Variants in XKR9 observed in about 807,000 individuals in gnomAD.
The protein encoded by XKR9 is XK related 9, also known as XK-related protein 9.
Under a neutral mutation model 32.0 loss-of-function variants are expected in XKR9, and 32 were observed. The ratio of observed to expected loss-of-function variants is 1.00; its 90% CI spans 0.76 to 1.34. The LOEUF (loss-of-function observed/expected upper bound fraction) is 1.34, where lower values mean the gene tolerates loss of function less well. Among genes scored for constraint, XKR9 ranks in the 40% most tolerant of loss-of-function variants. The probability of loss-of-function intolerance (pLI) is 0.00; values close to 1 mark genes in which losing one functional copy is unlikely to be tolerated. For synonymous variants in XKR9, 168 were observed against 143.4 expected (o/e 1.17, Z -1.22); for missense variants, 546 against 429.7 (o/e 1.27, Z -2.39).
the XKR9 span, among the ~76,000 whole-genome samples, chr8:70,809,338 A>G: frequency 3.9e-5 from 6 of 152,162 alleles, no homozygotes; most frequent in African/African-American, 4.8e-5. Context: ...AACCACAAAC[A>G]TGGGAAAAAA....
downstream of XKR9, among the ~76,000 whole-genome samples, chr8:70,794,864 T>C (rs1462694818): frequency 6.7e-6 from 1 of 148,372 alleles, no homozygotes; most frequent in Non-Finnish European, 1.5e-5. Context: ...ATTTGTCTAA[T>C]TTTGTTATCA....
At chr8:70,784,862 A>G (rs1807662388) in intron 2 of XKR9, among the ~76,000 whole-genome samples, 1 of 151,834 alleles carries the variant, frequency 6.6e-6, no homozygotes, top group Non-Finnish European at 1.5e-5. Flanking sequence ...GTGTTGTGAT[A>G]CATTTCTTCT....
At chr8:70,938,919 T>C in the XKR9 span, among the ~76,000 whole-genome samples, 1 of 151,574 alleles carries the variant, frequency 6.6e-6, no homozygotes, top group South Asian at 2.1e-4. Context: ...GAGGATCCCA[T>C]CTGGCCTCCT....
the XKR9 span, among the ~76,000 whole-genome samples, chr8:70,803,251 T>C: frequency 1.3e-5 from 2 of 152,212 alleles, no homozygotes; most frequent in African/African-American, 4.8e-5. Context: ...ATATTTGTGA[T>C]TGTATTATGA....
At position 70,681,037 on chromosome 8, in the gene XKR9, C is replaced by T. The variant is rs199652620; in HGVS notation, c.-22C>T. On this transcript the variant is annotated 5_prime_UTR_variant, in exon 3 of 5. The change creates a new upstream start codon in the 5' untranslated region. Coordinates refer to ENST00000408926, the MANE Select transcript of XKR9 (RefSeq NM_001011720.2). The stretch of plus-strand genomic sequence containing the variant: ...TTGTGAGGGAGAAAAAAGTAGATAA[C>T]GAAAAGCTATAGTCATTCGTAATGA... 1.0e-3 allele frequency: 1,575 copies of T among 1,571,996 alleles called. No individual in the cohort carries two copies. The highest frequency in any genetic ancestry group is 1.2e-3 in the Non-Finnish European group (1,442 of 1,159,622).
the XKR9 span, among the ~76,000 whole-genome samples, chr8:71,059,499 GCACTTA>G: frequency 6.6e-6 from 1 of 152,336 alleles, no homozygotes; most frequent in South Asian, 2.1e-4. Flanking sequence ...AAAAGTTTGT[GCACTTA>G]GGAACTGGCG....
chr8:70,799,907 G>C, the XKR9 span, among the ~76,000 whole-genome samples: 1 of 152,132 alleles, frequency 6.6e-6, no homozygotes, highest in Non-Finnish European at 1.5e-5. Context: ...TGTTGAATAG[G>C]AGTGGTGAAA....
chr8:71,018,872 A>G, the XKR9 span, among the ~76,000 whole-genome samples: 1 of 152,266 alleles, frequency 6.6e-6, no homozygotes, highest in South Asian at 2.1e-4. Context: ...ATATCTTTTA[A>G]AGTTTCAGAT....
chr8:70,880,269 G>T, the XKR9 span, among the ~76,000 whole-genome samples: 3 of 152,128 alleles, frequency 2.0e-5, no homozygotes, highest in South Asian at 6.2e-4. Context: ...GGAAGTTCTG[G>T]CCAGGGCAAT....
chr8:70,739,995 C>T (rs1186565584), downstream of XKR9, among the ~76,000 whole-genome samples: 3 of 152,080 alleles, frequency 2.0e-5, no homozygotes, highest in African/African-American at 7.2e-5. Context: ...TCTGTATTTC[C>T]TGTATGTGAA....
At chr8:70,827,581 G>T in the XKR9 span, among the ~76,000 whole-genome samples, 1 of 152,246 alleles carries the variant, frequency 6.6e-6, no homozygotes, top group East Asian at 1.9e-4. Context: ...CATCTCTGTG[G>T]CCTGTAGCAT....
At chr8:70,749,354 C>T (rs534490689) in intron 2 of XKR9, among the ~76,000 whole-genome samples, 7 of 152,210 alleles carry the variant, frequency 4.6e-5, no homozygotes, top group African/African-American at 7.2e-5. Context: ...GAGTCTAGAC[C>T]TCAGGGCTCC....
At position 70,674,807 on chromosome 8, in the gene XKR9, C is replaced by T. The variant is rs958388610; in HGVS notation, c.-360-11C>T. ...AAGGTTTACACATCCTTTAATTATACTTGTTTTTAGTGAAGAAGAAGTAAA... is the reference window on the plus strand; with the variant it reads ...AAGGTTTACACATCCTTTAATTATATTTGTTTTTAGTGAAGAAGAAGTAAA... On this transcript the variant is annotated splice_polypyrimidine_tract_variant and intron_variant, in intron 1 of 4. Coordinates refer to ENST00000408926, the MANE Select transcript of XKR9 (RefSeq NM_001011720.2). 6.6e-6 allele frequency: 1 copy of T among 152,050 alleles called. No homozygotes were observed. Among genetic ancestry groups the T allele is most frequent in the African/African-American group, 2.4e-5 (1 of 41,354 alleles). 9.4% of individuals were successfully genotyped at this position (152,050 alleles called of 1,614,324 possible).
the XKR9 span, among the ~76,000 whole-genome samples, chr8:70,930,615 C>T: frequency 1.3e-5 from 2 of 152,132 alleles, no homozygotes; most frequent in East Asian, 1.9e-4. Flanking sequence ...ACTAGTCTTG[C>T]CTGAACATAT....
At chr8:70,676,565 G>T (rs1818896497) in intron 2 of XKR9, among the ~76,000 whole-genome samples, 1 of 152,096 alleles carries the variant, frequency 6.6e-6, no homozygotes, top group Non-Finnish European at 1.5e-5. Context: ...TTGCTATGTA[G>T]GTTTCCTTCT....
In XKR9 at chr8:70,734,939, G is replaced by A. The variant is rs1038504236; in HGVS notation, c.*515G>A. 1 of 152,282 alleles carries A rather than the reference G, an allele frequency of 6.6e-6. No individual in the cohort carries two copies. Among genetic ancestry groups the A allele is most frequent in the Non-Finnish European group, 1.5e-5 (1 of 68,142 alleles). The allele number at this position is 152,282 out of a possible 1,614,324, so 9.4% of individuals were successfully genotyped here. ...ATCCATGAAATCTCCAATTCAGTAA[G>A]TGCAAAAGAGAATTGGTGTGCATCT... On this transcript the variant is annotated 3_prime_UTR_variant, in exon 5 of 5. Coordinates refer to ENST00000408926, the MANE Select transcript of XKR9 (RefSeq NM_001011720.2).
At chr8:70,748,855 C>T (rs117941055) in intron 2 of XKR9, among the ~76,000 whole-genome samples, 7,409 of 127,956 alleles carry the variant, frequency 0.058, 815 homozygotes, top group Admixed American at 0.27. Context: ...CCCACAAAAA[C>T]CCCAGACTCA....
chr8:70,901,992 G>T, the XKR9 span, among the ~76,000 whole-genome samples: 3 of 152,062 alleles, frequency 2.0e-5, no homozygotes, highest in African/African-American at 4.8e-5. Flanking sequence ...TATTTCTGAG[G>T]TCTCCATTTT....
chr8:70,704,873 C>G (rs548909234), intron 3 of XKR9, among the ~76,000 whole-genome samples: 2 of 152,198 alleles, frequency 1.3e-5, no homozygotes, highest in African/African-American at 4.8e-5. Flanking sequence ...TTCTTCTGTA[C>G]TTACAGCTCA....
Sources: gnomAD v4.1 joint callset for allele counts (sites outside exome capture counted in the v4.1 genomes callset) on GRCh38, gnomAD v4.1.1 for gene constraint, MANE v1.5 for transcripts, NCBI Gene and HGNC (gene_info 2026-07-23, HGNC 2026-07-21) for gene names.